Variants in MFSD8 observed in about 807,000 individuals in gnomAD.
MFSD8 encodes major facilitator superfamily domain-containing protein 8.
A neutral mutation model predicts 66.4 loss-of-function variants in MFSD8; 55 were observed. The observed-to-expected ratio is 0.83, with a 90% CI of 0.67 to 1.04. The LOEUF (loss-of-function observed/expected upper bound fraction) is 1.04. MFSD8 is among the 50% of genes least tolerant of loss of function. The pLI is 0.00. For missense variants in MFSD8, 550 were observed against 627.6 expected, an observed-to-expected ratio of 0.88 and a Z score of 1.32; for synonymous variants, 202 against 212.8, an observed-to-expected ratio of 0.95 and a Z score of 0.44.
intron 2 of MFSD8, among the ~76,000 whole-genome samples, chr4:127,951,176 A>G (rs920442730): frequency 3.3e-5 from 5 of 152,136 alleles, no homozygotes; most frequent in African/African-American, 1.2e-4. Context: ...TAATATAATC[A>G]CAATGGGTTT....
intron 2 of MFSD8, among the ~76,000 whole-genome samples, chr4:127,956,294 A>T (rs1742847701): frequency 6.6e-6 from 1 of 151,536 alleles, no homozygotes; most frequent in African/African-American, 2.4e-5. Flanking sequence ...TCACGAGGTC[A>T]GGAGATCAAG....
chr4:127,929,321 A>AC (rs1737728955), intron 9 of MFSD8, among the ~76,000 whole-genome samples: 1 of 119,314 alleles, frequency 8.4e-6, no homozygotes, highest in Non-Finnish European at 1.7e-5. Flanking sequence ...AGACTCCGTC[A>AC]CAAAAAAAAA....
intron 7 of MFSD8, among the ~76,000 whole-genome samples, chr4:127,936,774 C>A (rs1739153791): frequency 6.6e-6 from 1 of 152,010 alleles, no homozygotes; most frequent in Non-Finnish European, 1.5e-5. Context: ...TAAGTATCAC[C>A]CTAAGCCTAA....
intron 2 of MFSD8, among the ~76,000 whole-genome samples, chr4:127,955,060 T>C (rs952185277): frequency 3.3e-5 from 5 of 152,140 alleles, no homozygotes; most frequent in Admixed American, 2.0e-4. Context: ...GAAAACAGTA[T>C]GGCAATTTTC....
intron 7 of MFSD8, among the ~76,000 whole-genome samples, chr4:127,935,528 A>G (rs1264842834): frequency 2.0e-5 from 3 of 152,222 alleles, no homozygotes; most frequent in Non-Finnish European, 4.4e-5. Flanking sequence ...ATAGCTTTAA[A>G]TTAAAACAAT....
intron 2 of MFSD8, among the ~76,000 whole-genome samples, chr4:127,953,259 C>T (rs1182409545): frequency 1.3e-5 from 2 of 151,872 alleles, no homozygotes; most frequent in Admixed American, 6.6e-5. Flanking sequence ...GAGGCTGAGG[C>T]GGGCGGATCA....
At chr4:127,926,802 G>A (rs1737278428) in intron 9 of MFSD8, among the ~76,000 whole-genome samples, 1 of 152,162 alleles carries the variant, frequency 6.6e-6, no homozygotes, top group African/African-American at 2.4e-5. Context: ...TGACTTATGA[G>A]TGTCCAACTT....
At chr4:127,941,940 C>T (rs960266924) in intron 5 of MFSD8, 105 bp downstream of exon 5, 49 of 916,980 alleles carry the variant, frequency 5.3e-5, no homozygotes, top group Non-Finnish European at 8.6e-5. Flanking sequence ...GCTTTCCTCC[C>T]TTTCCCTTCA....
chr4:127,952,905 T>C (rs1016455948), intron 2 of MFSD8, among the ~76,000 whole-genome samples: 6 of 149,198 alleles, frequency 4.0e-5, no homozygotes, highest in Non-Finnish European at 7.5e-5. Flanking sequence ...AAAGTTAAAA[T>C]AATTTTCTTT....
At chr4:127,958,325 G>A (rs546055492) in intron 1 of MFSD8, among the ~76,000 whole-genome samples, 7 of 152,264 alleles carry the variant, frequency 4.6e-5, no homozygotes, top group African/African-American at 1.7e-4. Flanking sequence ...GAGTTAACAA[G>A]TTCACCTTAA....
chr4:127,932,907 A>G, intron 8 of MFSD8, 78 bp downstream of exon 8: 1 of 1,297,560 alleles, frequency 7.7e-7, no homozygotes, highest in Non-Finnish European at 1.1e-6. Flanking sequence ...AATAACATCT[A>G]TATGCCTAAT....
At position 127,920,746 on chromosome 4, in the gene MFSD8, G is replaced by T. The variant is rs1457420375; in HGVS notation, c.1441C>A (p.Pro481Thr). The T allele has an allele frequency of 6.2e-7, 1 of 1,613,900 alleles. No homozygotes were observed. The highest frequency in any genetic ancestry group is 8.5e-7 in the Non-Finnish European group (1 of 1,180,020). ...CACACCAGGCTGAATGCCCATCGTG[G>T]TCCCCAGTGAGCATACACTTGGCTG... Reference protein sequence around the residue: ...FISQVYAHWGPRWAFSLVCGI... With the variant: ...FISQVYAHWGTRWAFSLVCGI... The change falls in exon 12 of 12, where the codon CCA becomes ACA. Residue 481 changes from proline (P) to threonine (T), a missense_variant. Coordinates refer to ENST00000641686, the MANE Select transcript of MFSD8 (RefSeq NM_001371596.2).
chr4:127,950,234 A>G (rs1252038324), intron 2 of MFSD8, among the ~76,000 whole-genome samples: 1 of 152,200 alleles, frequency 6.6e-6, no homozygotes, highest in Non-Finnish European at 1.5e-5. Context: ...TAATTGACTG[A>G]AGGGAAGAGC....
intron 6 of MFSD8, chr4:127,939,221 T>C (rs1739670097): frequency 6.3e-6 from 1 of 158,192 alleles, no homozygotes; most frequent in South Asian, 1.9e-4. Context: ...TATACATTAC[T>C]AGTAACTTTT....
chr4:127,947,589 A>C (rs1741263254), intron 3 of MFSD8, among the ~76,000 whole-genome samples: 1 of 151,732 alleles, frequency 6.6e-6, no homozygotes, highest in Non-Finnish European at 1.5e-5. Flanking sequence ...AAAAAAAAAA[A>C]AAAAACAGAG....
At chr4:127,946,575 T>C (rs1741066041) in intron 3 of MFSD8, among the ~76,000 whole-genome samples, 1 of 152,170 alleles carries the variant, frequency 6.6e-6, no homozygotes, top group South Asian at 2.1e-4. Context: ...TCTTCTTATA[T>C]TCCTTTAAAA....
At chr4:127,960,646 A>G (rs959075944) in intron 1 of MFSD8, among the ~76,000 whole-genome samples, 2 of 152,242 alleles carry the variant, frequency 1.3e-5, no homozygotes, top group Admixed American at 6.5e-5. Flanking sequence ...GATATGCCCT[A>G]TAAGGACAGA....
chr4:127,960,467 T>C (rs1349468565), intron 1 of MFSD8, among the ~76,000 whole-genome samples: 1 of 152,060 alleles, frequency 6.6e-6, no homozygotes, highest in Non-Finnish European at 1.5e-5. Context: ...GAGGCAGAGG[T>C]TGCAGTGAGC....
upstream of MFSD8, chr4:127,965,192 T>A: frequency 6.2e-7 from 1 of 1,603,210 alleles, no homozygotes; most frequent in Non-Finnish European, 8.5e-7. Context: ...CTTTCTCCCA[T>A]CCCGGGTGGC....
Sources: allele counts gnomAD v4.1 joint callset (sites outside exome capture counted in the v4.1 genomes callset), GRCh38; gene constraint gnomAD v4.1.1; transcripts MANE v1.5; gene names NCBI Gene and HGNC (gene_info 2026-07-23, HGNC 2026-07-21).